The following LBP variants were observed in gnomAD, a reference collection of about 807,000 sequenced individuals.
The protein encoded by LBP is lipopolysaccharide-binding protein.
In LBP, 53 loss-of-function variants were observed where a neutral mutation model predicts 56.6. The observed-to-expected ratio is 0.94, with a 90% CI of 0.75 to 1.18. The LOEUF (loss-of-function observed/expected upper bound fraction) is 1.18, where lower values mean the gene tolerates loss of function less well. Ranked by LOEUF, LBP falls within the 50% of genes most tolerant of loss-of-function variation. The pLI is 0.00. For missense variants in LBP, 601 were observed against 598.3 expected (o/e 1.00, Z -0.05); for synonymous variants, 227 against 247.5 (o/e 0.92, Z 0.78).
At chr20:38,353,546 A>G (rs1343758025) in intron 3 of LBP, among the ~76,000 whole-genome samples, 1 of 115,240 alleles carries the variant, frequency 8.7e-6, no homozygotes. Context: ...GCCCCACACC[A>G]CGCGTATATC....
At position 38,365,354 on chromosome 20, in the gene LBP, T is replaced by A. The variant is rs111874373; in HGVS notation, c.921+602T>A. Among the ~76,000 whole-genome samples, 48 of 152,134 alleles carry A rather than the reference T, an allele frequency of 3.2e-4. 3 individuals are homozygous for A. Among genetic ancestry groups the A allele is most frequent in the African/African-American group, 1.1e-3 (46 of 41,522 alleles). On this transcript the variant is annotated intron_variant, in intron 8 of 14. Coordinates refer to ENST00000217407, the MANE Select transcript of LBP (RefSeq NM_004139.5). ...ACTAGTCTAGACTTGTTAGTCTAAT[T>A]CATATTTTCTCTCATCCTGATGATT...
chr20:38,359,973 C>T (rs1219020257), intron 5 of LBP, among the ~76,000 whole-genome samples: 4 of 152,098 alleles, frequency 2.6e-5, no homozygotes, highest in Non-Finnish European at 4.4e-5. Flanking sequence ...ATCTACAGGC[C>T]GAATGTGGTG....
At chr20:38,365,447 C>T (rs1050190047) in intron 8 of LBP, among the ~76,000 whole-genome samples, 2 of 150,678 alleles carry the variant, frequency 1.3e-5, no homozygotes, top group Non-Finnish European at 3.0e-5. Context: ...CTGTAATCCT[C>T]GCACTTTGGG....
chr20:38,351,791 C>A (rs568722506), intron 3 of LBP, among the ~76,000 whole-genome samples: 1 of 152,018 alleles, frequency 6.6e-6, no homozygotes, highest in Non-Finnish European at 1.5e-5. Context: ...GAGGCTGAGG[C>A]GGGAAGATCA....
chr20:38,365,712 AAAAAAATATAT>A (rs1276017433), intron 8 of LBP, among the ~76,000 whole-genome samples: 736 of 35,346 alleles, frequency 0.021, 1 homozygote, highest in Middle Eastern at 0.096. Flanking sequence ...AAAAAAAAAA[AAAAAAATATAT>A]ATATATATAT....
rs778443710 is a variant in LBP, at chr20:38,376,809, C to G, written c.*140C>G. On this transcript the variant is annotated 3_prime_UTR_variant, in exon 15 of 15. Coordinates refer to ENST00000217407, the MANE Select transcript of LBP (RefSeq NM_004139.5). ...GGGGTGAGGTGTGCCTGGCCTCTGCCTCCACCCTCCTCCTCTTCACCAGGT... is the reference window on the plus strand; with the variant it reads ...GGGGTGAGGTGTGCCTGGCCTCTGCGTCCACCCTCCTCCTCTTCACCAGGT... 30 of 812,922 alleles carry G rather than the reference C, an allele frequency of 3.7e-5. No homozygotes were observed. The highest frequency in any genetic ancestry group is 5.9e-5 in the Non-Finnish European group (28 of 470,736). The allele number at this position is 812,922 out of a possible 1,614,324, so 50.4% of individuals were successfully genotyped here.
chr20:38,353,114 A>G (rs1357699099), intron 3 of LBP, among the ~76,000 whole-genome samples: 2 of 152,214 alleles, frequency 1.3e-5, no homozygotes, highest in Non-Finnish European at 2.9e-5. Context: ...TTCTATGGGC[A>G]TATGACTATC....
At chr20:38,348,415 T>C (rs1415803594) in intron 1 of LBP, among the ~76,000 whole-genome samples, 2 of 151,738 alleles carry the variant, frequency 1.3e-5, no homozygotes, top group African/African-American at 2.4e-5. Flanking sequence ...CTGGTTCAAG[T>C]GATTCTCCTG....
intron 6 of LBP, 67 bp downstream of exon 6, chr20:38,360,834 C>A: frequency 1.6e-6 from 2 of 1,223,906 alleles, no homozygotes; most frequent in Non-Finnish European, 1.2e-6. Flanking sequence ...ATATATATAT[C>A]TTATAAAATA....
Position 38,366,785 on chromosome 20 carries a change from A to T in LBP, c.938A>T (p.Asn313Ile). 1 of 1,614,122 alleles carries T rather than the reference A, an allele frequency of 6.2e-7. No individual in the cohort carries two copies. Among genetic ancestry groups the T allele is most frequent in the Non-Finnish European group, 8.5e-7 (1 of 1,180,028 alleles). Residue 313 changes from asparagine (N) to isoleucine (I), a missense_variant, in exon 9 of 15, where the codon AAT becomes ATT. Transcript: ENST00000217407. The stretch of plus-strand genomic sequence containing the variant: ...TTGCTGCAGATACCGCCTGACTCTA[A>T]TATCCGACTGACCACCAAGTCCTTC... ...ITDDMIPPDS[N>I]IRLTTKSFRP... is the part of the protein sequence containing the mutation.
intron 3 of LBP, among the ~76,000 whole-genome samples, chr20:38,353,479 CTTTTTTTTTT>C (rs35504317): frequency 7.2e-5 from 5 of 69,100 alleles, no homozygotes; most frequent in African/African-American, 1.4e-4. Flanking sequence ...AGGCTGCTTC[CTTTTTTTTTT>C]TTTTTTTTTT....
chr20:38,376,777 A>G lies in LBP; in HGVS notation c.*108A>G. 3.5e-6 allele frequency: 4 copies of G among 1,129,026 alleles called. No homozygotes were observed. The highest frequency in any genetic ancestry group is 2.5e-5 in the South Asian group (2 of 80,796). The allele number at this position is 1,129,026 out of a possible 1,614,324, so 69.9% of individuals were successfully genotyped here. A position where few individuals can be genotyped will look rare whatever the true frequency, so the allele number is the denominator to read the frequency against. Reference sequence around the variant, plus strand: ...GAAGAATGAAGACATTTCTGCTCTCAGCTCCGGGGGTGAGGTGTGCCTGGC... The same window carrying G: ...GAAGAATGAAGACATTTCTGCTCTCGGCTCCGGGGGTGAGGTGTGCCTGGC... On this transcript the variant is annotated 3_prime_UTR_variant, in exon 15 of 15. Transcript: ENST00000217407.
rs2076884420 is a variant in LBP, at chr20:38,366,907, C to G, written c.981+79C>G. The G allele has an allele frequency of 1.1e-5, 14 of 1,309,814 alleles. No homozygotes were observed. In the East Asian group the frequency reaches 2.5e-4, roughly 24 times the overall value. The allele number at this position is 1,309,814 out of a possible 1,614,324, so 81.1% of individuals were successfully genotyped here. Reference sequence around the variant, plus strand: ...AGGTTTCTCTTTAAAACCTCTGCATCTCTCAGCTTGACCAAGAGTGAGAAG... The same window carrying G: ...AGGTTTCTCTTTAAAACCTCTGCATGTCTCAGCTTGACCAAGAGTGAGAAG... On this transcript the variant is annotated intron_variant, in intron 9 of 14. Transcript: ENST00000217407.
rs1050192912 is a variant in LBP at position 38,376,778 on chromosome 20, G to C, written c.*109G>C. 1 of 1,110,990 alleles carries C rather than the reference G, an allele frequency of 9.0e-7. No homozygotes were observed. Among genetic ancestry groups the C allele is most frequent in the Non-Finnish European group, 1.4e-6 (1 of 732,268 alleles). 68.8% of individuals were successfully genotyped at this position (1,110,990 alleles called of 1,614,324 possible). On this transcript the variant is annotated 3_prime_UTR_variant, in exon 15 of 15. Coordinates refer to ENST00000217407, the MANE Select transcript of LBP (RefSeq NM_004139.5). Reference sequence around the variant, plus strand: ...AAGAATGAAGACATTTCTGCTCTCAGCTCCGGGGGTGAGGTGTGCCTGGCC... The same window carrying C: ...AAGAATGAAGACATTTCTGCTCTCACCTCCGGGGGTGAGGTGTGCCTGGCC...
intron 3 of LBP, among the ~76,000 whole-genome samples, chr20:38,353,131 AT>A (rs546505696): frequency 4.0e-5 from 6 of 151,574 alleles, no homozygotes; most frequent in Non-Finnish European, 8.8e-5. Context: ...TATCTACCTC[AT>A]TTTTTTTCAC....
At position 38,350,812 on chromosome 20, in the gene LBP, C is replaced by G. The variant is rs200742486; in HGVS notation, c.241C>G (p.Leu81Val). ...CTCCTTCCATGTCTCTCCCTTCAGC[C>G]TGAACATCCACAGCTGTGAGCTGCT... ...VGRGRYEFHS[L>V]NIHSCELLHS... The change falls in exon 3 of 15, where the codon CTG becomes GTG. Residue 81 changes from leucine to valine, a missense_variant and splice_region_variant. By Grantham distance (32) the Leu-to-Val change is conservative (BLOSUM62 1). Transcript: ENST00000217407. 204 of 1,602,914 alleles carry G rather than the reference C, an allele frequency of 1.3e-4. 2 individuals are homozygous for G. In the Middle Eastern group the frequency reaches 6.4e-3, roughly 50 times the overall value.
chr20:38,366,026 A>G (rs1322888982), intron 8 of LBP, among the ~76,000 whole-genome samples: 1 of 152,176 alleles, frequency 6.6e-6, no homozygotes. Context: ...TGAATTTTAC[A>G]GTGGATCTCA....
chr20:38,355,100 A>G (rs1387165944), intron 4 of LBP, among the ~76,000 whole-genome samples: 1 of 152,186 alleles, frequency 6.6e-6, no homozygotes, highest in African/African-American at 2.4e-5. Context: ...CCGCAAAAGA[A>G]AAGAAAAATG....
In LBP at chr20:38,350,916, G is replaced by A. The variant is rs1450750597; in HGVS notation, c.345G>A (p.Arg115=). 3 of 1,614,030 alleles carry A rather than the reference G, an allele frequency of 1.9e-6. No homozygotes were observed. The highest frequency in any genetic ancestry group is 1.7e-5 in the Admixed American group (1 of 60,036). ...ACTCCTCCATCCGGGTCCAGGGCAG[G>A]TGGAAGGTGCGCAAGTCATTCTTGT... ...ISDSSIRVQG[R]WKVRKSFFKL... is the part of the protein sequence containing the mutation. The change falls in exon 3 of 15, where the codon AGG becomes AGA. Residue 115 remains arginine, a synonymous_variant. Coordinates refer to ENST00000217407, the MANE Select transcript of LBP (RefSeq NM_004139.5).
Sources: allele counts gnomAD v4.1 joint callset (sites outside exome capture counted in the v4.1 genomes callset), GRCh38; gene constraint gnomAD v4.1.1; transcripts MANE v1.5; gene names NCBI Gene and HGNC (gene_info 2026-07-23, HGNC 2026-07-21).